SRPK3: variants seen among roughly 807,000 people sequenced by gnomAD.
The protein encoded by SRPK3 is SFRS protein kinase 3.
Under a neutral mutation model 45.3 loss-of-function variants are expected in SRPK3, and 26 were observed. The ratio of observed to expected loss-of-function variants is 0.57; its 90% confidence interval spans 0.42 to 0.80. The LOEUF (loss-of-function observed/expected upper bound fraction) is 0.80. SRPK3 is among the 30% of genes least tolerant of loss of function. The pLI is 0.00. For synonymous variants in SRPK3, 254 were observed against 226.6 expected, an observed-to-expected ratio of 1.12 and a Z score of -1.09; for missense variants, 536 against 514.5, an observed-to-expected ratio of 1.04 and a Z score of -0.40.
chrX:153,783,399 AT>A (rs1451485336), intron 8 of SRPK3, 148 bp downstream of exon 8: 1 of 483,814 alleles, frequency 2.1e-6, no homozygotes, highest in African/African-American at 2.4e-5. Flanking sequence ...GCTGACGGTA[AT>A]TCCCGGGGGG....
In SRPK3 at chrX:153,781,115, A is replaced by G. The variant is rs1569542404; in HGVS notation, c.29A>G (p.Asp10Gly). The change falls in exon 1 of 15, where the codon GAC becomes GGC. Residue 10 changes from aspartate to glycine, a missense_variant. By Grantham distance (94) the Asp-to-Gly change is moderately conservative. Transcript: ENST00000370101. Reference protein sequence around the residue: MSASTGGGGDSGGSGGSSSS... With the variant: MSASTGGGGGSGGSGGSSSS... The stretch of plus-strand genomic sequence containing the variant: ...AGCGCCAGCACGGGCGGTGGTGGGG[A>G]CAGCGGCGGCAGCGGCGGCAGTAGC... 11 of 1,146,817 alleles carry G rather than the reference A, an allele frequency of 9.6e-6. No homozygotes were observed. The East Asian group carries it at 3.4e-4, about 35-fold the overall frequency. 94.5% of individuals were successfully genotyped at this position (1,146,817 alleles called of 1,213,427 possible). A position where few individuals can be genotyped will look rare whatever the true frequency, so the allele number is the denominator to read the frequency against.
intron 7 of SRPK3, 31 bp from the exon 8 acceptor site, chrX:153,783,195 C>CA: frequency 1.0e-6 from 1 of 969,432 alleles, no homozygotes. Flanking sequence ...CCTCCCTGTC[C>CA]CCCCCCACCG....
At chrX:153,783,142 G>C in intron 7 of SRPK3, 24 bp downstream of exon 7, 1 of 1,183,218 alleles carries the variant, frequency 8.5e-7, no homozygotes, top group East Asian at 3.0e-5. Flanking sequence ...ACATGGGGCT[G>C]GGTCGGGGCC....
rs782202815 is a variant in SRPK3, at chrX:153,785,010, G to C, written c.1426+7G>C. 10 of 1,211,277 alleles carry C rather than the reference G, an allele frequency of 8.3e-6. No homozygotes were observed. The highest frequency in any genetic ancestry group is 1.1e-5 in the Non-Finnish European group (10 of 895,279). On this transcript the variant is annotated splice_region_variant and intron_variant, in intron 13 of 14. Coordinates refer to ENST00000370101, the MANE Select transcript of SRPK3 (RefSeq NM_014370.4). ...GACTACAGTCGTGATGAGGGTAAGGGGTGAGGGCTCTGGGCTCAGCCTCCC... is the reference window on the plus strand; with the variant it reads ...GACTACAGTCGTGATGAGGGTAAGGCGTGAGGGCTCTGGGCTCAGCCTCCC...
intron 5 of SRPK3, 135 bp from the exon 6 acceptor site, chrX:153,782,637 G>C: frequency 3.9e-6 from 2 of 514,272 alleles, no homozygotes; most frequent in Non-Finnish European, 6.4e-6. Context: ...CAGCATAATG[G>C]TGACCAGGAC....
rs200177007 is a variant in SRPK3, at chrX:153,784,102, G to C, written c.1036G>C (p.Ala346Pro). Residue 346 changes from alanine (A) to proline (P), a missense_variant, in exon 10 of 15, where the codon GCG becomes CCG. Physicochemically the swap from Ala to Pro is conservative, Grantham distance 27. Coordinates refer to ENST00000370101, the MANE Select transcript of SRPK3 (RefSeq NM_014370.4). ...PAPGGGRSLS[A>P]GSQTSGFSGS... ...CCCAGGGGGCGGCCGTAGCCTCAGC[G>C]CGGGCTCACAGACCTCAGGCTTCTC... The C allele has an allele frequency of 1.7e-6, 2 of 1,210,715 alleles. No homozygotes were observed.
In SRPK3 at chrX:153,781,948, T is replaced by C. The variant is rs1557067068; in HGVS notation, c.387+118T>C. 4.2e-6 allele frequency: 4 copies of C among 954,227 alleles called. No individual in the cohort carries two copies. The African/African-American group carries it at 7.7e-5, about 18-fold the overall frequency. 78.6% of individuals were successfully genotyped at this position (954,227 alleles called of 1,213,427 possible). On this transcript the variant is annotated intron_variant, in intron 4 of 14. Coordinates refer to ENST00000370101, the MANE Select transcript of SRPK3 (RefSeq NM_014370.4). ...GGGCGGGGCTCCCTGAGGGGCAGCC[T>C]CCAGCTGGCTGTGCCCAAGGGGGAG... is the stretch of plus-strand genomic sequence containing the variant.
At position 153,785,675 on chromosome X, in the gene SRPK3, G is replaced by C; in HGVS notation, c.*155G>C. The C allele has an allele frequency of 1.2e-6, 1 of 808,223 alleles. No homozygotes were observed. Among genetic ancestry groups the C allele is most frequent in the South Asian group, 2.5e-5 (1 of 39,949 alleles). 66.6% of individuals were successfully genotyped at this position (808,223 alleles called of 1,213,427 possible). A position where few individuals can be genotyped will look rare whatever the true frequency, so the allele number is the denominator to read the frequency against. The stretch of plus-strand genomic sequence containing the variant: ...AGAGCGTGTTCTGCCTGAGACCCCC[G>C]TGAGGGCTCTCGGAGAAAGTGTGTG... On this transcript the variant is annotated 3_prime_UTR_variant, in exon 15 of 15. Coordinates refer to ENST00000370101, the MANE Select transcript of SRPK3 (RefSeq NM_014370.4).
rs782342147 is a variant in SRPK3, at chrX:153,783,776, A to G, written c.799A>G (p.Lys267Glu). Residue 267 changes from lysine (K) to glutamate (E), a missense_variant, in exon 9 of 15, where the codon AAG (lysine) becomes GAG (glutamate). Physicochemically the swap from Lys to Glu is moderately conservative, Grantham distance 56. Transcript: ENST00000370101. ...GCAGACCGGTAAGCTGTCCAAAAAC[A>G]AGAGGAAGAAGATGAGGCGCAAACG... is the stretch of plus-strand genomic sequence containing the variant. Reference protein sequence around the residue: ...VLQTGKLSKNKRKKMRRKRKQ... With the variant: ...VLQTGKLSKNERKKMRRKRKQ... 1 of 1,210,566 alleles carries G rather than the reference A, an allele frequency of 8.3e-7. No homozygotes were observed. The highest frequency in any genetic ancestry group is 1.1e-6 in the Non-Finnish European group (1 of 895,344).
intron 11 of SRPK3, 177 bp from the exon 12 acceptor site, chrX:153,784,573 G>C: frequency 1.4e-6 from 1 of 714,292 alleles, no homozygotes; most frequent in Non-Finnish European, 2.1e-6. Flanking sequence ...CCACTAGGAA[G>C]GGATCAGCCT....
intron 13 of SRPK3, 37 bp from the exon 14 acceptor site, chrX:153,785,044 G>C (rs377135252): frequency 1.7e-6 from 2 of 1,211,083 alleles, no homozygotes; most frequent in East Asian, 5.9e-5. Flanking sequence ...CCGGCCTCCC[G>C]GCCTGCCTGC....
Position 153,782,827 on chromosome X carries a change from G to A in SRPK3, c.531G>A (p.Lys177=). 1.7e-6 allele frequency: 2 copies of A among 1,211,186 alleles called. No homozygotes were observed. Among genetic ancestry groups the A allele is most frequent in the Non-Finnish European group, 2.2e-6 (2 of 895,396 alleles). ...ACCAGCTCCTCAAATGGATCATCAAGTCCAACTACCAGGGCCTGCCCGTGC... is the reference window on the plus strand; with the variant it reads ...ACCAGCTCCTCAAATGGATCATCAAATCCAACTACCAGGGCCTGCCCGTGC... ...LGHQLLKWII[K]SNYQGLPVPC... The change falls in exon 6 of 15, where the codon AAG becomes AAA. Residue 177 remains lysine (K), a synonymous_variant. Coordinates refer to ENST00000370101, the MANE Select transcript of SRPK3 (RefSeq NM_014370.4).
intron 11 of SRPK3, 28 bp downstream of exon 11, chrX:153,784,422 G>T (rs1222487295): frequency 1.7e-6 from 2 of 1,185,502 alleles, no homozygotes; most frequent in East Asian, 3.0e-5. Context: ...AGAGCAGAGT[G>T]GGGGGCCCTG....
rs782652701 is a variant in SRPK3, at chrX:153,784,173, G to A, written c.1107G>A (p.Ser369=). Residue 369 remains serine, a synonymous_variant, in exon 10 of 15, where the codon TCG becomes TCA. Coordinates refer to ENST00000370101, the MANE Select transcript of SRPK3 (RefSeq NM_014370.4). ...SPASCSILSG[S]SNQRETGGLL... ...CCTCCTGCTCCATCCTCTCCGGCTC[G>A]TCCAATCAGCGAGAGACCGGGGGCC... 36 of 1,209,486 alleles carry A rather than the reference G, an allele frequency of 3.0e-5. No homozygotes were observed. The highest frequency in any genetic ancestry group is 8.7e-5 in the African/African-American group (5 of 57,372).
rs1451375394 is a variant in SRPK3, at chrX:153,784,456, C to T, written c.1248+62C>T. 2.3e-5 allele frequency: 26 copies of T among 1,123,347 alleles called. No individual in the cohort carries two copies. The South Asian group carries it at 3.0e-4, about 13-fold the overall frequency. 92.6% of individuals were successfully genotyped at this position (1,123,347 alleles called of 1,213,427 possible). ...TGCTCCAAGGGTGGAGGCACAGGGC[C>T]GCTCTTGGGGAGCCCTACCCCAGTC... On this transcript the variant is annotated intron_variant, in intron 11 of 14. Transcript: ENST00000370101.
At position 153,784,919 on chromosome X, in the gene SRPK3, T is replaced by C. The variant is rs200698037; in HGVS notation, c.1357-15T>C. 24 of 1,208,624 alleles carry C rather than the reference T, an allele frequency of 2.0e-5. No individual in the cohort carries two copies. The Admixed American group carries it at 3.9e-4, about 20-fold the overall frequency. On this transcript the variant is annotated splice_polypyrimidine_tract_variant and intron_variant, in intron 12 of 14. Transcript: ENST00000370101. Reference sequence around the variant, plus strand: ...CAGCCCACCAGCCAGCAGCCTCACCTCCTCCCCCTTCCAGGCCTTCGAGCT... The same window carrying C: ...CAGCCCACCAGCCAGCAGCCTCACCCCCTCCCCCTTCCAGGCCTTCGAGCT...
chrX:153,783,962 C>T lies in SRPK3; in HGVS notation c.908-12C>T. The T allele has an allele frequency of 8.3e-7, 1 of 1,197,860 alleles. No homozygotes were observed. The highest frequency in any genetic ancestry group is 3.0e-5 in the East Asian group (1 of 33,480). On this transcript the variant is annotated splice_polypyrimidine_tract_variant and intron_variant, in intron 9 of 14. Transcript: ENST00000370101. ...CATCTGCTCAGCAGCTGCCTCCACC[C>T]CGTCTCCCCAGACTCTGGCTTGAGA...
chrX:153,783,049 A>G lies in SRPK3; in HGVS notation c.679A>G (p.Ile227Val). Reference sequence around the variant, plus strand: ...CTTGCTGTGTGTGGGGGACGCTTACATCAGGCGCCTGGCTGCCGAGGCCAC... The same window carrying G: ...CTTGCTGTGTGTGGGGGACGCTTACGTCAGGCGCCTGGCTGCCGAGGCCAC... ...NILLCVGDAYIRRLAAEATEW... is the reference protein window; with the variant it reads ...NILLCVGDAYVRRLAAEATEW... Residue 227 changes from isoleucine (I) to valine (V), a missense_variant, in exon 7 of 15, where the codon ATC (isoleucine) becomes GTC (valine). Coordinates refer to ENST00000370101, the MANE Select transcript of SRPK3 (RefSeq NM_014370.4). 1 of 1,179,095 alleles carries G rather than the reference A, an allele frequency of 8.5e-7. No homozygotes were observed. Among genetic ancestry groups the G allele is most frequent in the Non-Finnish European group, 1.1e-6 (1 of 879,101 alleles).
Position 153,781,306 on chromosome X carries a change from C to G in SRPK3, c.150C>G (p.Ser50=), listed in dbSNP as rs148071046. The change falls in exon 2 of 15, where the codon TCC becomes TCG. Residue 50 remains serine, a synonymous_variant. Coordinates refer to ENST00000370101, the MANE Select transcript of SRPK3 (RefSeq NM_014370.4). ...AGATGCTGCAGGGCCTTCTGGGCTC[C>G]GACGACGAGGAACAGGAAGACCCCA... ...VPQMLQGLLG[S]DDEEQEDPKD... 8.3e-7 allele frequency: 1 copy of G among 1,206,124 alleles called. No homozygotes were observed. The highest frequency in any genetic ancestry group is 1.8e-5 in the South Asian group (1 of 56,298).
Sources: gnomAD v4.1 joint callset for allele counts on GRCh38, gnomAD v4.1.1 for gene constraint, MANE v1.5 for transcripts, NCBI Gene and HGNC (gene_info 2026-07-23, HGNC 2026-07-21) for gene names.